Variants in HDAC9 observed in about 807,000 individuals in gnomAD.
HDAC9 encodes MEF-2 interacting transcription repressor (MITR) protein.
In HDAC9, 41 loss-of-function variants were observed where a neutral mutation model predicts 139.4. The ratio of observed to expected loss-of-function variants is 0.29; its 90% CI spans 0.23 to 0.38. HDAC9 has a LOEUF of 0.38. Among genes scored for constraint, HDAC9 ranks in the 10% least tolerant of loss-of-function variants. The pLI, the probability that HDAC9 is intolerant of heterozygous loss-of-function variation, is 1.00. For missense variants in HDAC9, 1,147 were observed against 1,297.0 expected, an observed-to-expected ratio of 0.88 and a Z score of 1.78; for synonymous variants, 517 against 476.2, an observed-to-expected ratio of 1.09 and a Z score of -1.12.
intron 2 of HDAC9, among the ~76,000 whole-genome samples, chr7:18,510,290 A>G (rs762209958): frequency 6.6e-6 from 1 of 152,174 alleles, no homozygotes; most frequent in Non-Finnish European, 1.5e-5. Context: ...GCCAATAGAA[A>G]TTTCCTGGGA....
chr7:18,156,164 G>A (rs1053161265), intron 1 of HDAC9, among the ~76,000 whole-genome samples: 2 of 152,164 alleles, frequency 1.3e-5, no homozygotes, highest in African/African-American at 4.8e-5. Flanking sequence ...GCCAACTTGA[G>A]TTTATAGAGC....
intron 22 of HDAC9, among the ~76,000 whole-genome samples, chr7:18,930,448 A>G (rs1238850896): frequency 6.6e-6 from 1 of 151,820 alleles, no homozygotes; most frequent in Non-Finnish European, 1.5e-5. Context: ...GCTCTAATCT[A>G]ACACACACAT....
At chr7:18,375,098 A>G (rs1353775668) in intron 1 of HDAC9, among the ~76,000 whole-genome samples, 1 of 152,258 alleles carries the variant, frequency 6.6e-6, no homozygotes, top group Non-Finnish European at 1.5e-5. Context: ...AGTTAATTGT[A>G]AACAGCCTCA....
At chr7:18,778,776 C>T (rs901897719) in intron 16 of HDAC9, among the ~76,000 whole-genome samples, 3 of 152,106 alleles carry the variant, frequency 2.0e-5, no homozygotes, top group African/African-American at 7.2e-5. Context: ...GCCCTTTCGC[C>T]AGAGCAAACA....
intron 11 of HDAC9, among the ~76,000 whole-genome samples, chr7:18,659,153 T>G (rs547618344): frequency 2.6e-5 from 4 of 152,146 alleles, no homozygotes; most frequent in Non-Finnish European, 1.5e-5. Flanking sequence ...CTGAAGATAT[T>G]TGTTGGGATG....
chr7:18,832,972 G>C (rs1414866955), intron 19 of HDAC9, among the ~76,000 whole-genome samples: 1 of 151,974 alleles, frequency 6.6e-6, no homozygotes, highest in Non-Finnish European at 1.5e-5. Flanking sequence ...CCAACCTCAG[G>C]TGATCTGCCC....
At chr7:18,474,406 C>G (rs536172345) in intron 1 of HDAC9, among the ~76,000 whole-genome samples, 134 of 152,204 alleles carry the variant, frequency 8.8e-4, no homozygotes, top group Non-Finnish European at 1.6e-3. Context: ...TTTTCCTGCT[C>G]GACTCTAGCC....
chr7:18,262,820 AAT>A (rs1226225089), intron 2 of HDAC9, among the ~76,000 whole-genome samples: 3 of 152,190 alleles, frequency 2.0e-5, no homozygotes, highest in African/African-American at 7.2e-5. Context: ...AAATTGAGAT[AAT>A]ATTAATCACC....
intron 1 of HDAC9, among the ~76,000 whole-genome samples, chr7:18,115,701 G>GCC (rs1783933366): frequency 6.6e-6 from 1 of 152,190 alleles, no homozygotes; most frequent in South Asian, 2.1e-4. Context: ...TGCCATACCT[G>GCC]CCAGCTGTGG....
intron 23 of HDAC9, among the ~76,000 whole-genome samples, chr7:18,947,810 T>C (rs1782508178): frequency 6.6e-6 from 1 of 151,956 alleles, no homozygotes; most frequent in Admixed American, 6.6e-5. Flanking sequence ...AAGAAAGGAA[T>C]ATTATAAGAG....
intron 6 of HDAC9, among the ~76,000 whole-genome samples, chr7:18,604,265 A>G (rs140395430): frequency 7.3e-5 from 11 of 151,698 alleles, no homozygotes; most frequent in Non-Finnish European, 1.2e-4. Flanking sequence ...ACCTTTTGCA[A>G]TTTTCTTAGA....
chr7:18,194,635 A>C (rs1422641139), intron 2 of HDAC9, among the ~76,000 whole-genome samples: 2 of 152,064 alleles, frequency 1.3e-5, no homozygotes, highest in African/African-American at 4.8e-5. Context: ...CTAATCCCCT[A>C]ATTATTTCTC....
chr7:18,718,484 C>T (rs1171226415), intron 12 of HDAC9, among the ~76,000 whole-genome samples: 1 of 152,130 alleles, frequency 6.6e-6, no homozygotes, highest in African/African-American at 2.4e-5. Context: ...CCACCCGCCT[C>T]GGCCTCCCAA....
chr7:18,104,064 T>G (rs180964757), intron 1 of HDAC9, among the ~76,000 whole-genome samples: 3 of 152,184 alleles, frequency 2.0e-5, no homozygotes, highest in African/African-American at 7.2e-5. Context: ...ATGCACAGCT[T>G]TGGGATGTGG....
chr7:18,960,009 AACACAC>A (rs58030908), intron 24 of HDAC9, among the ~76,000 whole-genome samples: 27,685 of 148,932 alleles, frequency 0.19, 2,650 homozygotes, highest in South Asian at 0.27. Context: ...TGTTGTTTTA[AACACAC>A]ACACACACAC....
At chr7:18,542,685 A>G (rs971593104) in intron 2 of HDAC9, among the ~76,000 whole-genome samples, 16 of 152,324 alleles carry the variant, frequency 1.1e-4, no homozygotes, top group African/African-American at 3.6e-4. Context: ...AAAATACTTC[A>G]TATTAATAAG....
intron 2 of HDAC9, among the ~76,000 whole-genome samples, chr7:18,541,702 C>T (rs1386688270): frequency 6.6e-6 from 1 of 152,120 alleles, no homozygotes; most frequent in Non-Finnish European, 1.5e-5. Context: ...CAAGGGCCCT[C>T]TCTAAATGAA....
intron 23 of HDAC9, among the ~76,000 whole-genome samples, chr7:18,940,405 A>C (rs921929046): frequency 6.6e-6 from 1 of 152,184 alleles, no homozygotes; most frequent in Non-Finnish European, 1.5e-5. Flanking sequence ...GAGGCAACTG[A>C]TATTGAAGAC....
Position 18,469,042 on chromosome 7 carries a change from C to T in HDAC9, c.-41-27220C>T, listed in dbSNP as rs555911815. Among the ~76,000 whole-genome samples the T allele has an allele frequency of 2.6e-5, 4 of 152,312 alleles. No individual in the cohort carries two copies. In the South Asian group the frequency reaches 6.2e-4, roughly 24 times the overall value. Reference sequence around the variant, plus strand: ...TTTCTCTAAGTCTTATAATCACCTACTCTACATTGATTCAGACCCACATCT... The same window carrying T: ...TTTCTCTAAGTCTTATAATCACCTATTCTACATTGATTCAGACCCACATCT... On this transcript the variant is annotated intron_variant, in intron 1 of 3. Transcript: ENST00000413509.
Sources: allele counts gnomAD v4.1 joint callset (sites outside exome capture counted in the v4.1 genomes callset), GRCh38; gene constraint gnomAD v4.1.1; transcripts MANE v1.5; gene names NCBI Gene and HGNC (gene_info 2026-07-23, HGNC 2026-07-21).